Variants in ABCC5 observed in about 807,000 individuals in gnomAD.
ABCC5 encodes the protein ATP-binding cassette sub-family C member 5.
In ABCC5, 61 loss-of-function variants were observed where a neutral mutation model predicts 160.9. The observed-to-expected ratio is 0.38, with a 90% CI of 0.31 to 0.47. ABCC5 has a LOEUF of 0.47. ABCC5 is among the 20% of genes least tolerant of loss of function. ABCC5 has a pLI of 0.99. For missense variants in ABCC5, 1,308 were observed against 1,813.3 expected, an observed-to-expected ratio of 0.72 and a Z score of 5.06; for synonymous variants, 666 against 700.6, an observed-to-expected ratio of 0.95 and a Z score of 0.78.
At chr3:183,970,248 C>T (rs888055521) in intron 11 of ABCC5, among the ~76,000 whole-genome samples, 1 of 152,176 alleles carries the variant, frequency 6.6e-6, no homozygotes, top group East Asian at 1.9e-4. Context: ...TCACCACTTG[C>T]GGCCTCTGTG....
intron 2 of ABCC5, among the ~76,000 whole-genome samples, chr3:184,003,536 G>A (rs975799021): frequency 4.3e-4 from 65 of 152,192 alleles, no homozygotes; most frequent in African/African-American, 1.4e-3. Context: ...ATTATTCCAA[G>A]TCAGGGAAGC....
Position 183,925,706 on chromosome 3 carries a change from T to C in ABCC5, c.4061A>G (p.Asp1354Gly). The C allele has an allele frequency of 6.2e-7, 1 of 1,612,716 alleles. No homozygotes were observed. The highest frequency in any genetic ancestry group is 8.5e-7 in the Non-Finnish European group (1 of 1,179,702). ...LLRHCKILIL[D>G]EATAAMDTET... ...TGTGTCCATGGCAGCTGTGGCTTCA[T>C]CTAAAATCAGAATCTGCCAGAGAAG... is the stretch of plus-strand genomic sequence containing the variant. Residue 1354 changes from aspartate to glycine, a missense_variant, in exon 29 of 30, where the codon GAT (aspartate) becomes GGT (glycine). Coordinates refer to ENST00000334444, the MANE Select transcript of ABCC5 (RefSeq NM_005688.4).
At chr3:183,992,058 A>G (rs1482783768) in intron 2 of ABCC5, among the ~76,000 whole-genome samples, 3 of 152,352 alleles carry the variant, frequency 2.0e-5, no homozygotes, top group Admixed American at 1.3e-4. Flanking sequence ...TGGACTATAC[A>G]TTGGGCTATA....
At chr3:184,005,277 C>T (rs898801180) in intron 2 of ABCC5, among the ~76,000 whole-genome samples, 2 of 152,170 alleles carry the variant, frequency 1.3e-5, no homozygotes, top group Non-Finnish European at 2.9e-5. Context: ...ACATGTCAGT[C>T]TTGCTTTCTA....
Position 183,921,547 on chromosome 3 carries a change from T to C in ABCC5, c.4213-146A>G. ...GCCCTGCGTGCACCTCCCCCCTTAT[T>C]TTTTTATTTTCAACTATCCAGGGAG... is the stretch of plus-strand genomic sequence containing the variant. On this transcript the variant is annotated intron_variant, in intron 29 of 29. Transcript: ENST00000334444. This position sits in a 1 kb window ranked among gnomAD's most constrained non-coding sequence, Gnocchi z 4.1. The C allele has an allele frequency of 3.7e-6, 2 of 542,716 alleles. No individual in the cohort carries two copies. Among genetic ancestry groups the C allele is most frequent in the Non-Finnish European group, 3.0e-6 (1 of 328,894 alleles). The allele number at this position is 542,716 out of a possible 1,614,324, so 33.6% of individuals were successfully genotyped here.
chr3:183,971,960 G>T, intron 10 of ABCC5, 41 bp from the exon 11 acceptor site: 1 of 1,610,722 alleles, frequency 6.2e-7, no homozygotes, highest in Non-Finnish European at 8.5e-7. Context: ...TGAGACACTG[G>T]ATCAAGACCA....
chr3:183,980,195 G>C (rs889111777), intron 8 of ABCC5, among the ~76,000 whole-genome samples: 2 of 152,114 alleles, frequency 1.3e-5, no homozygotes, highest in African/African-American at 4.8e-5. Context: ...TCTTCTAAGA[G>C]GGTATACACT....
At chr3:184,004,246 C>T (rs903653320) in intron 2 of ABCC5, among the ~76,000 whole-genome samples, 4 of 139,138 alleles carry the variant, frequency 2.9e-5, no homozygotes, top group African/African-American at 9.9e-5. Context: ...TACAGTGGCT[C>T]ACACCTATAA....
intron 8 of ABCC5, among the ~76,000 whole-genome samples, chr3:183,980,714 G>GTTTTTT (rs11364435): frequency 2.2e-5 from 3 of 136,060 alleles, no homozygotes; most frequent in Non-Finnish European, 1.6e-5. Flanking sequence ...ACACTGTTTT[G>GTTTTTT]TTTTTTTTTT....
intron 10 of ABCC5, among the ~76,000 whole-genome samples, chr3:183,974,032 C>T (rs567445828): frequency 4.1e-4 from 63 of 152,312 alleles, no homozygotes; most frequent in Non-Finnish European, 8.2e-4. Flanking sequence ...TCTGCCCTGA[C>T]GTGCTAAGAG....
At chr3:183,926,398 A>T (rs1367291624) in intron 28 of ABCC5, among the ~76,000 whole-genome samples, 1 of 151,098 alleles carries the variant, frequency 6.6e-6, no homozygotes, top group African/African-American at 2.4e-5. Flanking sequence ...AAAAATACAA[A>T]AATTAGCCGG....
At chr3:183,948,016 G>A (rs1715009233) in intron 22 of ABCC5, among the ~76,000 whole-genome samples, 1 of 152,190 alleles carries the variant, frequency 6.6e-6, no homozygotes, top group South Asian at 2.1e-4. Flanking sequence ...ATGGAGCCAA[G>A]CACCAGGAGA....
chr3:183,946,565 G>T (rs1167865670), intron 23 of ABCC5, among the ~76,000 whole-genome samples: 1 of 152,082 alleles, frequency 6.6e-6, no homozygotes, highest in Non-Finnish European at 1.5e-5. Flanking sequence ...AGAGTAGAAA[G>T]AGTAGTATAA....
intron 16 of ABCC5, 38 bp downstream of exon 16, chr3:183,961,473 G>T: frequency 1.2e-6 from 2 of 1,608,770 alleles, no homozygotes; most frequent in Admixed American, 1.7e-5. Context: ...CCCTTGCAGA[G>T]ACAGAAGGGG....
At chr3:184,007,320 C>G (rs956109505) in intron 2 of ABCC5, among the ~76,000 whole-genome samples, 2 of 151,664 alleles carry the variant, frequency 1.3e-5, no homozygotes, top group Non-Finnish European at 2.9e-5. Context: ...ACGCCCGGCC[C>G]ACTTCTGCTT....
In ABCC5 at chr3:183,959,727, C is replaced by T. The variant is rs1297816000; in HGVS notation, c.2482+6G>A. The T allele has an allele frequency of 2.5e-6, 4 of 1,594,454 alleles. No homozygotes were observed. Among genetic ancestry groups the T allele is most frequent in the Non-Finnish European group, 2.6e-6 (3 of 1,171,830 alleles). On this transcript the variant is annotated splice_donor_region_variant and intron_variant, in intron 17 of 29. Coordinates refer to ENST00000334444, the MANE Select transcript of ABCC5 (RefSeq NM_005688.4). Reference sequence around the variant, plus strand: ...CAAATCTAAAAATTTCAAAAAAGGCCATTACCTTCCTCTGGCTTTACTGCT... The same window carrying T: ...CAAATCTAAAAATTTCAAAAAAGGCTATTACCTTCCTCTGGCTTTACTGCT...
intron 28 of ABCC5, among the ~76,000 whole-genome samples, chr3:183,926,204 T>G (rs2059664052): frequency 6.7e-6 from 1 of 148,470 alleles, no homozygotes; most frequent in African/African-American, 2.5e-5. Context: ...TGCTTAGAAG[T>G]GATACAATTT....
chr3:183,962,103 C>G (rs1044945309), intron 15 of ABCC5, among the ~76,000 whole-genome samples: 6 of 152,116 alleles, frequency 3.9e-5, no homozygotes, highest in African/African-American at 1.2e-4. Flanking sequence ...AGATGCTCCT[C>G]AATTTACAAT....
intron 8 of ABCC5, 123 bp from the exon 9 acceptor site, chr3:183,978,774 T>C (rs1718444743): frequency 9.7e-7 from 1 of 1,031,030 alleles, no homozygotes. Context: ...GACTATCAAC[T>C]CTACCACTAA....
Sources: gnomAD v4.1 joint callset for allele counts (sites outside exome capture counted in the v4.1 genomes callset) on GRCh38, gnomAD v4.1.1 for gene constraint, Gnocchi (gnomAD v3.1) non-coding constraint, MANE v1.5 for transcripts, NCBI Gene and HGNC (gene_info 2026-07-23, HGNC 2026-07-21) for gene names.